The following CAMKK2 variants were observed in gnomAD, a reference collection of about 807,000 sequenced individuals.
CAMKK2 encodes the protein calcium/calmodulin-dependent protein kinase kinase 2.
A neutral mutation model predicts 67.2 loss-of-function variants in CAMKK2; 30 were observed. That is an observed-to-expected ratio of 0.45 (90% CI 0.33 to 0.61). The LOEUF (loss-of-function observed/expected upper bound fraction) is 0.61. Ranked by LOEUF, CAMKK2 falls within the 20% of genes least tolerant of loss-of-function variation. The pLI, the probability that CAMKK2 is intolerant of heterozygous loss-of-function variation, is 0.02. For missense variants in CAMKK2, 643 were observed against 802.0 expected, an observed-to-expected ratio of 0.80 and a Z score of 2.39; for synonymous variants, 322 against 326.2, an observed-to-expected ratio of 0.99 and a Z score of 0.14.
intron 1 of CAMKK2, among the ~76,000 whole-genome samples, chr12:121,274,815 T>G (rs1410244184): frequency 2.0e-5 from 3 of 150,424 alleles, no homozygotes; most frequent in Non-Finnish European, 4.4e-5. Flanking sequence ...CTTTTTTTTT[T>G]TTTTGAGACA....
At chr12:121,293,816 G>A (rs1263009865) in intron 1 of CAMKK2, among the ~76,000 whole-genome samples, 1 of 152,108 alleles carries the variant, frequency 6.6e-6, no homozygotes, top group African/African-American at 2.4e-5. Flanking sequence ...CCAGTCTGAG[G>A]AGATTTCTCC....
intron 14 of CAMKK2, among the ~76,000 whole-genome samples, chr12:121,247,867 C>T (rs994466951): frequency 6.6e-6 from 1 of 152,204 alleles, no homozygotes; most frequent in Admixed American, 6.5e-5. Flanking sequence ...CCCACTGGGA[C>T]TAGTGCTGGC....
chr12:121,252,799 G>A, intron 10 of CAMKK2, 85 bp from the exon 11 acceptor site: 1 of 1,364,080 alleles, frequency 7.3e-7, no homozygotes, highest in Non-Finnish European at 1.0e-6. Flanking sequence ...ACCACCTCTT[G>A]ACTTTCAGCC....
Position 121,274,157 on chromosome 12 carries a change from G to A in CAMKK2, c.370C>T (p.Pro124Ser). The A allele has an allele frequency of 6.3e-7, 1 of 1,595,212 alleles. No homozygotes were observed. Among genetic ancestry groups the A allele is most frequent in the Non-Finnish European group, 8.6e-7 (1 of 1,169,226 alleles). ...SLDMNGRCIC[P>S]SLPYSPVSSP... The stretch of plus-strand genomic sequence containing the variant: ...CTGACGGGTGAGTAGGGCAGGGACG[G>A]GCAGATGCAGCGTCCGTTCATGTCC... Residue 124 changes from proline to serine, a missense_variant, in exon 2 of 17, where the codon CCG becomes TCG. Physicochemically the swap from Pro to Ser is moderately conservative, Grantham distance 74. Coordinates refer to ENST00000404169, the MANE Select transcript of CAMKK2 (RefSeq NM_001270485.2).
chr12:121,254,875 A>G (rs1160427745), intron 9 of CAMKK2, among the ~76,000 whole-genome samples: 4 of 152,098 alleles, frequency 2.6e-5, no homozygotes, highest in Non-Finnish European at 5.9e-5. Context: ...TGAAGGATAC[A>G]AAGTATTAAT....
At chr12:121,273,965 T>G (rs3817189) in intron 2 of CAMKK2, 91 bp downstream of exon 2, 428,483 of 1,048,782 alleles carry the variant, frequency 0.41, 89,371 homozygotes, top group African/African-American at 0.52. Context: ...CAGATCCTTC[T>G]GGGGGAGCCC....
chr12:121,270,468 T>C (rs1718123), intron 3 of CAMKK2, among the ~76,000 whole-genome samples: 87,170 of 151,960 alleles, frequency 0.57, 27,293 homozygotes, highest in African/African-American at 0.84. Context: ...GGTTTGCCAC[T>C]GTCCTTACCA....
chr12:121,263,675 C>T (rs952075228), intron 6 of CAMKK2, 131 bp downstream of exon 6: 2 of 630,716 alleles, frequency 3.2e-6, no homozygotes, highest in East Asian at 2.9e-5. Context: ...TCTTAGGGAG[C>T]AGTAAATACA....
chr12:121,266,418 T>C (rs911551214), intron 5 of CAMKK2, among the ~76,000 whole-genome samples: 1 of 152,036 alleles, frequency 6.6e-6, no homozygotes, highest in East Asian at 1.9e-4. Flanking sequence ...ATGTCAAAAA[T>C]TGATAATAGT....
chr12:121,284,057 G>GCCACGGC (rs1204792937), intron 1 of CAMKK2, among the ~76,000 whole-genome samples: 2 of 152,222 alleles, frequency 1.3e-5, no homozygotes, highest in Admixed American at 1.3e-4. Flanking sequence ...CAGGCTGCCT[G>GCCACGGC]CCACGGCCCA....
intron 14 of CAMKK2, among the ~76,000 whole-genome samples, chr12:121,246,020 T>C (rs564763130): frequency 6.6e-6 from 1 of 151,872 alleles, no homozygotes; most frequent in East Asian, 1.9e-4. Context: ...CCTCAGAGTG[T>C]AGGATTCCAC....
intron 2 of CAMKK2, among the ~76,000 whole-genome samples, chr12:121,272,440 G>T (rs531243779): frequency 6.6e-6 from 1 of 152,122 alleles, no homozygotes; most frequent in Non-Finnish European, 1.5e-5. Flanking sequence ...ATTGCTCATA[G>T]GTCCTAGCTC....
At chr12:121,291,479 A>G (rs1402773456) in intron 1 of CAMKK2, among the ~76,000 whole-genome samples, 1 of 152,250 alleles carries the variant, frequency 6.6e-6, no homozygotes, top group African/African-American at 2.4e-5. Context: ...TATGGCATGG[A>G]TCAGTCTTGA....
At chr12:121,275,787 A>G (rs1341909975) in intron 1 of CAMKK2, among the ~76,000 whole-genome samples, 2 of 152,170 alleles carry the variant, frequency 1.3e-5, no homozygotes, top group Non-Finnish European at 2.9e-5. Flanking sequence ...TAATGGTTGC[A>G]CAGCATTGTG....
intron 1 of CAMKK2, among the ~76,000 whole-genome samples, chr12:121,278,698 T>C (rs898814311): frequency 6.6e-6 from 1 of 152,236 alleles, no homozygotes; most frequent in Admixed American, 6.5e-5. Flanking sequence ...ACTTCCGCCA[T>C]GATTATGGGG....
intron 5 of CAMKK2, 121 bp downstream of exon 5, chr12:121,268,517 C>T (rs1433712361): frequency 1.0e-6 from 1 of 954,080 alleles, no homozygotes; most frequent in East Asian, 2.4e-5. Context: ...GCCTCAGCCT[C>T]CCAAGTAGCT....
Position 121,296,263 on chromosome 12 carries a change from C to T in CAMKK2, c.-60+375G>A, listed in dbSNP as rs1057241041. On this transcript the variant is annotated intron_variant, in intron 1 of 16. Coordinates refer to ENST00000404169, the MANE Select transcript of CAMKK2 (RefSeq NM_001270485.2). This position sits in a 1 kb window ranked among gnomAD's most constrained non-coding sequence, Gnocchi z 7.1. ...TTCCCCGGAACGCTCCAGATTTCCC[C>T]ACCTGTCAAACGCGAGGGGCTGGGC... Among the ~76,000 whole-genome samples, 1 of 152,036 alleles carries T rather than the reference C, an allele frequency of 6.6e-6. No homozygotes were observed. Among genetic ancestry groups the T allele is most frequent in the African/African-American group, 2.4e-5 (1 of 41,418 alleles).
At chr12:121,287,213 A>G (rs1055516331) in intron 1 of CAMKK2, among the ~76,000 whole-genome samples, 2 of 152,076 alleles carry the variant, frequency 1.3e-5, no homozygotes, top group African/African-American at 4.8e-5. Flanking sequence ...GCTGGTTTCA[A>G]TTTATTTTAA....
At chr12:121,297,599 A>G (rs759887165), upstream of CAMKK2, 2 of 516,798 alleles carry the variant, frequency 3.9e-6, no homozygotes, top group African/African-American at 3.8e-5. Context: ...TGTGCGGGGA[A>G]GAGGAGAAAC....
Sources: allele counts gnomAD v4.1 joint callset (sites outside exome capture counted in the v4.1 genomes callset), GRCh38; gene constraint gnomAD v4.1.1; non-coding constraint Gnocchi (gnomAD v3.1); transcripts MANE v1.5; gene names NCBI Gene and HGNC (gene_info 2026-07-23, HGNC 2026-07-21).